The following SDK1 variants were observed in gnomAD, a reference collection of about 807,000 sequenced individuals.
The protein encoded by SDK1 is sidekick cell adhesion molecule 1.
A neutral mutation model predicts 245.5 loss-of-function variants in SDK1; 157 were observed. That is an observed-to-expected ratio of 0.64 (90% confidence interval 0.56 to 0.73). SDK1 has a LOEUF of 0.73. SDK1 is among the 30% of genes least tolerant of loss of function. SDK1 has a pLI of 0.00. For synonymous variants in SDK1, 1,647 were observed against 1,278.5 expected, an observed-to-expected ratio of 1.29 and a Z score of -6.15; for missense variants, 3,583 against 3,002.3, an observed-to-expected ratio of 1.19 and a Z score of -4.52.
intron 4 of SDK1, among the ~76,000 whole-genome samples, chr7:3,721,142 G>T (rs1583340789): frequency 6.6e-6 from 1 of 152,320 alleles, no homozygotes; most frequent in East Asian, 1.9e-4. Context: ...CTTAAAAAGG[G>T]AGCTGGAGGG....
chr7:4,130,989 C>T (rs891922055), intron 27 of SDK1, among the ~76,000 whole-genome samples: 2 of 152,112 alleles, frequency 1.3e-5, no homozygotes, highest in East Asian at 3.9e-4. Flanking sequence ...CACCCCTGAT[C>T]CTCGCCTCGC....
chr7:3,386,514 A>G (rs933652700), intron 1 of SDK1, among the ~76,000 whole-genome samples: 1 of 152,210 alleles, frequency 6.6e-6, no homozygotes, highest in Non-Finnish European at 1.5e-5. Context: ...AGTTTCTCCT[A>G]GGCTACTCAT....
chr7:3,973,732 G>T (rs2128133861), intron 12 of SDK1, among the ~76,000 whole-genome samples: 1 of 152,242 alleles, frequency 6.6e-6, no homozygotes, highest in East Asian at 1.9e-4. Context: ...TGGTTCTACA[G>T]ACTTCTCATC....
intron 4 of SDK1, among the ~76,000 whole-genome samples, chr7:3,668,329 G>A (rs1488942097): frequency 6.6e-6 from 1 of 152,174 alleles, no homozygotes; most frequent in Non-Finnish European, 1.5e-5. Flanking sequence ...GGCAAAAGTT[G>A]GTATTGACTG....
intron 17 of SDK1, 52 bp from the exon 18 acceptor site, chr7:4,049,296 A>G (rs934541059): frequency 2.6e-5 from 36 of 1,403,160 alleles, no homozygotes; most frequent in African/African-American, 4.2e-5. Context: ...TCTCCACCCC[A>G]TGGTCCCTCC....
chr7:3,493,553 G>A (rs1781929362), intron 1 of SDK1, among the ~76,000 whole-genome samples: 1 of 152,204 alleles, frequency 6.6e-6, no homozygotes, highest in African/African-American at 2.4e-5. Context: ...AAAACAGTCA[G>A]TAGTAATCAA....
intron 32 of SDK1, among the ~76,000 whole-genome samples, chr7:4,163,971 G>A (rs946274865): frequency 5.9e-5 from 9 of 152,312 alleles, no homozygotes; most frequent in African/African-American, 2.2e-4. Flanking sequence ...TGAAGAGTGT[G>A]TCATCTCCTT....
chr7:4,114,413 G>T, intron 25 of SDK1, 139 bp downstream of exon 25: 3 of 689,102 alleles, frequency 4.4e-6, no homozygotes, highest in Non-Finnish European at 4.8e-6. Flanking sequence ...CCTAATCCCG[G>T]GTTTGGCCAG....
intron 4 of SDK1, among the ~76,000 whole-genome samples, chr7:3,692,993 A>T (rs567367400): frequency 2.6e-5 from 4 of 152,006 alleles, no homozygotes; most frequent in Non-Finnish European, 4.4e-5. Flanking sequence ...AATATTTGCC[A>T]GTTTTCTGTT....
At chr7:4,087,331 A>T (rs959472637) in intron 22 of SDK1, among the ~76,000 whole-genome samples, 4 of 152,056 alleles carry the variant, frequency 2.6e-5, no homozygotes, top group African/African-American at 9.7e-5. Context: ...ACTTTGGTCT[A>T]TTTCTGAACT....
At position 4,139,561 on chromosome 7, in the gene SDK1, A is replaced by ATGTG. The variant is rs71032928; in HGVS notation, c.4229-6157_4229-6154dup. Among the ~76,000 whole-genome samples, 4 of 21,580 alleles carry ATGTG rather than the reference A, an allele frequency of 1.9e-4. 1 individual carries two copies. Among genetic ancestry groups the ATGTG allele is most frequent in the Admixed American group, 5.2e-4 (1 of 1,922 alleles). 14.2% of individuals were successfully genotyped at this position (21,580 alleles called of 152,430 possible). A position where few individuals can be genotyped will look rare whatever the true frequency, so the allele number is the denominator to read the frequency against. ...TATATATGTGTGTGTATATGTATAT[A>ATGTG]TGTGTGTATATGTGTGTGTGTATGT... On this transcript the variant is annotated intron_variant, in intron 28 of 44. Transcript: ENST00000404826.
rs1788449147 is a variant in SDK1, at chr7:4,266,025, T to TCTGTGTCACTGC, written c.*642_*653dup. On this transcript the variant is annotated 3_prime_UTR_variant, in exon 45 of 45. Coordinates refer to ENST00000404826, the MANE Select transcript of SDK1 (RefSeq NM_152744.4). ...CTAAGGTGTGGCTCAGCCGTCACTG[T>TCTGTGTCACTGC]CTGTGTCACTGCAGTGGTGCGGTCC... 4.4e-5 allele frequency: 43 copies of TCTGTGTCACTGC among 985,420 alleles called. No homozygotes were observed. The highest frequency in any genetic ancestry group is 4.1e-5 in the Non-Finnish European group (34 of 829,988). The allele number at this position is 985,420 out of a possible 1,614,324, so 61.0% of individuals were successfully genotyped here.
intron 40 of SDK1, among the ~76,000 whole-genome samples, chr7:4,228,580 C>T (rs1356450376): frequency 6.6e-6 from 1 of 152,236 alleles, no homozygotes; most frequent in Non-Finnish European, 1.5e-5. Flanking sequence ...CACTCTGTTG[C>T]CCAGGCTGGA....
At chr7:3,531,650 C>T (rs931317072) in intron 1 of SDK1, among the ~76,000 whole-genome samples, 2 of 152,132 alleles carry the variant, frequency 1.3e-5, no homozygotes, top group African/African-American at 2.4e-5. Context: ...TATTTTCTCC[C>T]ACATTAGTGT....
At chr7:4,163,878 AT>A (rs1241959090) in intron 32 of SDK1, among the ~76,000 whole-genome samples, 1 of 152,170 alleles carries the variant, frequency 6.6e-6, no homozygotes, top group Non-Finnish European at 1.5e-5. Flanking sequence ...GAAAGTGGCA[AT>A]TTATGTGATT....
chr7:4,209,679 G>A (rs1161929272), intron 37 of SDK1, among the ~76,000 whole-genome samples: 1 of 152,040 alleles, frequency 6.6e-6, no homozygotes, highest in African/African-American at 2.4e-5. Context: ...CAGGACTAGA[G>A]CTTCTGGAAT....
intron 1 of SDK1, among the ~76,000 whole-genome samples, chr7:3,343,995 C>G (rs911419662): frequency 2.8e-5 from 4 of 140,984 alleles, no homozygotes; most frequent in African/African-American, 1.1e-4. Context: ...GACACTAAAC[C>G]ATAGTTGCTA....
chr7:3,380,765 C>G (rs1423497959), intron 1 of SDK1, among the ~76,000 whole-genome samples: 1 of 152,156 alleles, frequency 6.6e-6, no homozygotes, highest in African/African-American at 2.4e-5. Flanking sequence ...TCTAGAAACT[C>G]CATCTGTGAT....
intron 5 of SDK1, among the ~76,000 whole-genome samples, chr7:3,894,434 C>T (rs570044594): frequency 6.7e-6 from 1 of 150,088 alleles, no homozygotes; most frequent in Non-Finnish European, 1.5e-5. Context: ...GCCTTGGTGC[C>T]AGGCTCCGGG....
Sources: allele counts gnomAD v4.1 joint callset (sites outside exome capture counted in the v4.1 genomes callset), GRCh38; gene constraint gnomAD v4.1.1; transcripts MANE v1.5; gene names NCBI Gene and HGNC (gene_info 2026-07-23, HGNC 2026-07-21).